The following BMPER variants were observed in gnomAD, a reference collection of about 807,000 sequenced individuals.
BMPER encodes BMP binding endothelial regulator.
In BMPER, 45 loss-of-function variants were observed where a neutral mutation model predicts 87.3. The ratio of observed to expected loss-of-function variants is 0.52; its 90% confidence interval spans 0.41 to 0.66. BMPER has a LOEUF of 0.66. Among genes scored for constraint, BMPER ranks in the 30% least tolerant of loss-of-function variants. The probability of loss-of-function intolerance (pLI) is 0.00; values close to 1 mark genes in which losing one functional copy is unlikely to be tolerated. For synonymous variants in BMPER, 326 were observed against 316.2 expected (o/e 1.03, Z -0.33); for missense variants, 784 against 867.5 (o/e 0.90, Z 1.21).
chr7:33,970,584 G>A (rs564797219), intron 5 of BMPER, among the ~76,000 whole-genome samples, 165 bp downstream of exon 5: 3 of 152,224 alleles, frequency 2.0e-5, no homozygotes, highest in Non-Finnish European at 2.9e-5. Context: ...TGGCTGCCTC[G>A]GTGTGCCCAG....
At chr7:34,031,918 A>G (rs1285807087) in intron 6 of BMPER, among the ~76,000 whole-genome samples, 1 of 127,216 alleles carries the variant, frequency 7.9e-6, no homozygotes, top group Non-Finnish European at 1.6e-5. Context: ...ATATATATAT[A>G]TATATATATA....
intron 2 of BMPER, among the ~76,000 whole-genome samples, chr7:33,911,920 G>A (rs1192881529): frequency 1.3e-5 from 2 of 152,116 alleles, no homozygotes; most frequent in Non-Finnish European, 2.9e-5. Context: ...TAAAAGGGAC[G>A]ACGGACGAGA....
At chr7:34,005,301 G>A (rs190354379) in intron 6 of BMPER, among the ~76,000 whole-genome samples, 22 of 152,154 alleles carry the variant, frequency 1.4e-4, no homozygotes, top group African/African-American at 5.3e-4. Context: ...GTAACACTGG[G>A]TAGAGAGGGA....
intron 6 of BMPER, among the ~76,000 whole-genome samples, chr7:34,007,024 G>A (rs1786752929): frequency 6.6e-6 from 1 of 152,060 alleles, no homozygotes; most frequent in Non-Finnish European, 1.5e-5. Context: ...TTCTGGCTTA[G>A]GTTAGAATTC....
intron 2 of BMPER, among the ~76,000 whole-genome samples, chr7:33,918,475 C>A (rs1056733627): frequency 3.3e-5 from 5 of 152,230 alleles, no homozygotes; most frequent in Non-Finnish European, 5.9e-5. Flanking sequence ...CCCAGAAATT[C>A]ATGAATTCCA....
chr7:34,055,378 G>T, intron 9 of BMPER, 75 bp downstream of exon 9: 3 of 1,583,406 alleles, frequency 1.9e-6, no homozygotes, highest in Non-Finnish European at 2.6e-6. Flanking sequence ...ACACTAGGCA[G>T]ATTGGGTTAT....
At chr7:33,970,681 C>CTTA (rs1397765144) in intron 5 of BMPER, among the ~76,000 whole-genome samples, 1 of 152,158 alleles carries the variant, frequency 6.6e-6, no homozygotes, top group African/African-American at 2.4e-5. Context: ...ACAGGTAATG[C>CTTA]TTATTTTGGA....
chr7:34,048,860 C>A (rs539838585), intron 7 of BMPER, among the ~76,000 whole-genome samples: 16 of 152,256 alleles, frequency 1.1e-4, no homozygotes, highest in Admixed American at 7.2e-4. Context: ...CTGAACCACT[C>A]CCTCGAATGT....
rs73320496 is a variant in BMPER, at chr7:34,130,813, G to A, written c.1746-12417G>A. On this transcript the variant is annotated intron_variant, in intron 13 of 14. Transcript: ENST00000649409. ...AGCTACTCAGCTGCATATTGAAGGA[G>A]GAGTGGATTTTAACTAGGAGAAGGG... Among the ~76,000 whole-genome samples, 664 of 152,288 alleles carry A rather than the reference G, an allele frequency of 4.4e-3. 4 individuals are homozygous for A. Among genetic ancestry groups the A allele is most frequent in the African/African-American group, 0.015 (640 of 41,566 alleles).
At chr7:33,923,717 C>T (rs1460336233) in intron 2 of BMPER, among the ~76,000 whole-genome samples, 3 of 152,192 alleles carry the variant, frequency 2.0e-5, no homozygotes, top group African/African-American at 7.2e-5. Context: ...GTTGTTCATG[C>T]ACACATTTAT....
intron 2 of BMPER, among the ~76,000 whole-genome samples, chr7:33,923,848 C>T (rs1020524244): frequency 5.9e-5 from 9 of 152,142 alleles, no homozygotes; most frequent in African/African-American, 2.2e-4. Context: ...TCTTTTCAAA[C>T]TTTAAATATT....
At chr7:33,985,878 T>A (rs2127920956) in intron 6 of BMPER, among the ~76,000 whole-genome samples, 1 of 152,332 alleles carries the variant, frequency 6.6e-6, no homozygotes, top group South Asian at 2.1e-4. Context: ...AACTGCTTTG[T>A]GTGCCATTTG....
chr7:34,010,636 A>C (rs891102024), intron 6 of BMPER, among the ~76,000 whole-genome samples: 1 of 151,934 alleles, frequency 6.6e-6, no homozygotes, highest in Non-Finnish European at 1.5e-5. Flanking sequence ...TGTCACAAGT[A>C]TCCACTGATA....
At chr7:34,048,769 C>A (rs1267010991) in intron 7 of BMPER, among the ~76,000 whole-genome samples, 1 of 152,148 alleles carries the variant, frequency 6.6e-6, no homozygotes, top group East Asian at 1.9e-4. Flanking sequence ...TTTTAAGAAA[C>A]TTGAAAATCT....
At chr7:34,129,288 GT>G (rs1562761637) in intron 13 of BMPER, among the ~76,000 whole-genome samples, 1 of 151,938 alleles carries the variant, frequency 6.6e-6, no homozygotes, top group East Asian at 1.9e-4. Flanking sequence ...GGATCATAAG[GT>G]CAGGAGTTTG....
intron 2 of BMPER, among the ~76,000 whole-genome samples, chr7:33,907,805 G>T (rs937214468): frequency 6.6e-5 from 10 of 152,208 alleles, no homozygotes; most frequent in African/African-American, 2.4e-4. Context: ...AGGACTACTT[G>T]TTGCTAGATC....
intron 13 of BMPER, among the ~76,000 whole-genome samples, chr7:34,087,743 G>C (rs1184115103): frequency 2.0e-5 from 3 of 152,176 alleles, no homozygotes; most frequent in Non-Finnish European, 4.4e-5. Flanking sequence ...ACCCTTCTCT[G>C]CTTAAAATAG....
At chr7:34,119,009 C>G (rs959514964) in intron 13 of BMPER, among the ~76,000 whole-genome samples, 2 of 131,048 alleles carry the variant, frequency 1.5e-5, no homozygotes, top group Admixed American at 7.9e-5. Context: ...CTCTCTCTCT[C>G]TCTCTCACAC....
At position 34,019,580 on chromosome 7, in the gene BMPER, A is replaced by G. The variant is rs187004787; in HGVS notation, c.577-26726A>G. ...TCCTTGAAGTGATGATGTCACAGGT[A>G]CAAAAGCATCTCTCTCATATCTGAT... On this transcript the variant is annotated intron_variant, in intron 6 of 14. Coordinates refer to ENST00000649409, the MANE Select transcript of BMPER (RefSeq NM_001365308.1). 5.0e-3 allele frequency among the ~76,000 whole-genome samples: 760 copies of G among 152,188 alleles called. 5 individuals carry two copies. The highest frequency in any genetic ancestry group is 5.8e-3 in the African/African-American group (242 of 41,576).
Sources: gnomAD v4.1 joint callset for allele counts (sites outside exome capture counted in the v4.1 genomes callset) on GRCh38, gnomAD v4.1.1 for gene constraint, MANE v1.5 for transcripts, NCBI Gene and HGNC (gene_info 2026-07-23, HGNC 2026-07-21) for gene names.